PDIA5: variants seen among roughly 807,000 people sequenced by gnomAD.
The protein encoded by PDIA5 is protein disulfide isomerase family A member 5.
PDIA5 carries 58 observed loss-of-function variants against 77.6 expected under a neutral mutation model. The ratio of observed to expected loss-of-function variants is 0.75; its 90% CI spans 0.61 to 0.93. The LOEUF (loss-of-function observed/expected upper bound fraction) is 0.93. Ranked by LOEUF, PDIA5 falls within the 40% of genes least tolerant of loss-of-function variation. The pLI is 0.00. For missense variants in PDIA5, 630 were observed against 647.7 expected (o/e 0.97, Z 0.30); for synonymous variants, 250 against 252.1 (o/e 0.99, Z 0.08).
chr3:123,147,495 C>G (rs1407131490), intron 13 of PDIA5, among the ~76,000 whole-genome samples: 1 of 152,088 alleles, frequency 6.6e-6, no homozygotes, highest in Non-Finnish European at 1.5e-5. Context: ...CTCTGAGACT[C>G]TTTTATTCAG....
intron 1 of PDIA5, among the ~76,000 whole-genome samples, chr3:123,076,086 G>A (rs567300256): frequency 6.6e-6 from 1 of 152,262 alleles, no homozygotes; most frequent in Admixed American, 6.5e-5. Flanking sequence ...GCTCTTTTCA[G>A]CAGGTCACGC....
At chr3:123,095,402 T>C (rs1411246203) in intron 3 of PDIA5, among the ~76,000 whole-genome samples, 3 of 152,116 alleles carry the variant, frequency 2.0e-5, no homozygotes, top group Non-Finnish European at 4.4e-5. Context: ...GAAGAAGGTT[T>C]TGGGCATGGG....
chr3:123,129,544 G>C (rs891998948), intron 10 of PDIA5, among the ~76,000 whole-genome samples: 1 of 152,236 alleles, frequency 6.6e-6, no homozygotes, highest in Non-Finnish European at 1.5e-5. Context: ...CGACACAATG[G>C]TTGTCTTTTC....
intron 3 of PDIA5, among the ~76,000 whole-genome samples, chr3:123,096,870 G>A (rs557218590): frequency 1.4e-4 from 22 of 152,366 alleles, no homozygotes; most frequent in African/African-American, 4.8e-4. Flanking sequence ...CGGGCTTGGC[G>A]TGGAGTGCTG....
At chr3:123,071,229 G>T (rs1226272494) in intron 1 of PDIA5, among the ~76,000 whole-genome samples, 1 of 152,154 alleles carries the variant, frequency 6.6e-6, no homozygotes, top group Non-Finnish European at 1.5e-5. Context: ...GGCTTAGGGA[G>T]GGAAGGGACT....
chr3:123,118,321 G>A (rs1935038865), intron 8 of PDIA5, among the ~76,000 whole-genome samples: 1 of 152,152 alleles, frequency 6.6e-6, no homozygotes, highest in African/African-American at 2.4e-5. Flanking sequence ...AGATTATTTA[G>A]CCTGGAGAAA....
chr3:123,126,026 T>A (rs1340205184), intron 10 of PDIA5, among the ~76,000 whole-genome samples: 2 of 152,244 alleles, frequency 1.3e-5, no homozygotes, highest in Non-Finnish European at 2.9e-5. Flanking sequence ...AAAATCTGTC[T>A]GCTTCCCTTC....
At chr3:123,093,906 A>C (rs980163439) in intron 3 of PDIA5, among the ~76,000 whole-genome samples, 1 of 152,196 alleles carries the variant, frequency 6.6e-6, no homozygotes, top group African/African-American at 2.4e-5. Context: ...CCACCTATGG[A>C]GTGGGCCCCC....
chr3:123,131,412 T>G (rs1375452552), intron 11 of PDIA5, among the ~76,000 whole-genome samples: 2 of 150,824 alleles, frequency 1.3e-5, no homozygotes, highest in African/African-American at 4.9e-5. Flanking sequence ...AGAGCGAGGC[T>G]CCATCTCAAA....
At chr3:123,156,784 C>G (rs1024474260) in intron 15 of PDIA5, among the ~76,000 whole-genome samples, 2 of 151,552 alleles carry the variant, frequency 1.3e-5, no homozygotes, top group African/African-American at 4.9e-5. Flanking sequence ...GGAGCGTGGT[C>G]CAGCTGAGGC....
chr3:123,124,671 G>C (rs1022189722), intron 10 of PDIA5, among the ~76,000 whole-genome samples: 1 of 152,174 alleles, frequency 6.6e-6, no homozygotes, highest in Admixed American at 6.5e-5. Context: ...AGCTCTTCTG[G>C]AATAGTCAGG....
In PDIA5 at chr3:123,121,331, AC is replaced by A. The variant is rs144106014; in HGVS notation, c.610-2734del. On this transcript the variant is annotated intron_variant, in intron 8 of 16. Transcript: ENST00000316218. ...GGCTGAACACACAGAAGAGCATGTC[AC>A]GCCAGCTGAGTGGCCCCAAGCATGC... 1.7e-3 allele frequency among the ~76,000 whole-genome samples: 256 copies of A among 152,336 alleles called. 2 individuals carry two copies. Among genetic ancestry groups the A allele is most frequent in the African/African-American group, 5.9e-3 (244 of 41,576 alleles).
rs1553797922 is a variant in PDIA5, at chr3:123,099,057, G to GCGCA, written c.258-3353_258-3352insGCAC. Among the ~76,000 whole-genome samples the GCGCA allele has an allele frequency of 2.3e-4, 35 of 151,058 alleles. No homozygotes were observed. In the South Asian group the frequency reaches 5.2e-3, roughly 23 times the overall value. On this transcript the variant is annotated intron_variant, in intron 3 of 16. Transcript: ENST00000316218. Reference sequence around the variant, plus strand: ...AATTAGTGTGTGCACACATGCTTGCGCACACACACACACACACACTACTCA... The same window carrying GCGCA: ...AATTAGTGTGTGCACACATGCTTGCGCGCACACACACACACACACACACTACTCA...
At chr3:123,143,461 A>T (rs1560552362) in intron 11 of PDIA5, among the ~76,000 whole-genome samples, 1 of 151,462 alleles carries the variant, frequency 6.6e-6, no homozygotes, top group South Asian at 2.1e-4. Flanking sequence ...TGTGGGTACA[A>T]TATGTAATAG....
chr3:123,080,883 C>A (rs974669025), intron 1 of PDIA5, among the ~76,000 whole-genome samples: 4 of 152,046 alleles, frequency 2.6e-5, no homozygotes, highest in African/African-American at 9.7e-5. Context: ...ACCCAGGTAA[C>A]GTCTATCTTA....
chr3:123,147,253 CTCT>C (rs1935794243), intron 13 of PDIA5, among the ~76,000 whole-genome samples: 2 of 152,156 alleles, frequency 1.3e-5, no homozygotes, highest in Admixed American at 6.5e-5. Flanking sequence ...ACCTAATCTG[CTCT>C]TCTTATAAGG....
chr3:123,124,393 A>C (rs781226878), intron 10 of PDIA5, 50 bp downstream of exon 10: 6 of 1,362,558 alleles, frequency 4.4e-6, no homozygotes, highest in Non-Finnish European at 6.3e-6. Context: ...AGGGCGGGGC[A>C]TCTGCCGGGC....
At chr3:123,096,405 T>G (rs1272642655) in intron 3 of PDIA5, among the ~76,000 whole-genome samples, 4 of 152,124 alleles carry the variant, frequency 2.6e-5, no homozygotes, top group Admixed American at 6.5e-5. Flanking sequence ...CCCCGGCTGG[T>G]CTTGGACTCC....
chr3:123,078,063 C>T (rs930950496), intron 1 of PDIA5, among the ~76,000 whole-genome samples: 3 of 152,232 alleles, frequency 2.0e-5, no homozygotes, highest in Admixed American at 2.0e-4. Flanking sequence ...TCGCCTCAGC[C>T]TCCCAAAGTG....
Sources: gnomAD v4.1 joint callset for allele counts (sites outside exome capture counted in the v4.1 genomes callset) on GRCh38, gnomAD v4.1.1 for gene constraint, MANE v1.5 for transcripts, NCBI Gene and HGNC (gene_info 2026-07-23, HGNC 2026-07-21) for gene names.